The following CBLB variants were observed in gnomAD, a reference collection of about 807,000 sequenced individuals.
CBLB encodes Cbl proto-oncogene B, also known as E3 ubiquitin-protein ligase CBL-B.
Under a neutral mutation model 104.9 loss-of-function variants are expected in CBLB, and 31 were observed. The observed-to-expected ratio is 0.30, with a 90% CI of 0.22 to 0.40. CBLB has a LOEUF of 0.40. CBLB is among the 10% of genes least tolerant of loss of function. CBLB has a pLI of 1.00. For synonymous variants in CBLB, 440 were observed against 422.6 expected, an observed-to-expected ratio of 1.04 and a Z score of -0.51; for missense variants, 1,062 against 1,214.6, an observed-to-expected ratio of 0.87 and a Z score of 1.87.
intron 3 of CBLB, among the ~76,000 whole-genome samples, chr3:105,791,150 C>T (rs956210419): frequency 1.3e-5 from 2 of 152,070 alleles, no homozygotes; most frequent in Admixed American, 1.3e-4. Flanking sequence ...GCGTTTCTTC[C>T]CTGTATCCTT....
At chr3:105,688,973 TG>T (rs1274200495) in intron 13 of CBLB, among the ~76,000 whole-genome samples, 1 of 152,088 alleles carries the variant, frequency 6.6e-6, no homozygotes, top group Non-Finnish European at 1.5e-5. Context: ...GATAACCTCA[TG>T]GTTTGCTCCC....
At chr3:105,707,993 C>T (rs1188347247) in intron 10 of CBLB, among the ~76,000 whole-genome samples, 1 of 146,758 alleles carries the variant, frequency 6.8e-6, no homozygotes, top group Non-Finnish European at 1.5e-5. Flanking sequence ...TCTAGAGTAA[C>T]AGACTTTTCC....
chr3:105,744,805 C>G (rs1038545333), intron 6 of CBLB, among the ~76,000 whole-genome samples: 1 of 152,120 alleles, frequency 6.6e-6, no homozygotes, highest in Non-Finnish European at 1.5e-5. Context: ...TGGCACACAC[C>G]TGTAATCCCA....
At chr3:105,804,540 A>C (rs553783371) in intron 3 of CBLB, among the ~76,000 whole-genome samples, 105 of 152,122 alleles carry the variant, frequency 6.9e-4, no homozygotes, top group African/African-American at 2.5e-3. Context: ...AAAATGTAAA[A>C]TATCTCATTA....
rs150288759 is a variant in CBLB at position 105,719,273 on chromosome 3, G to T, written c.1407+774C>A. Among the ~76,000 whole-genome samples the T allele has an allele frequency of 8.3e-4, 127 of 152,174 alleles. 1 individual carries two copies. Among genetic ancestry groups the T allele is most frequent in the African/African-American group, 3.0e-3 (125 of 41,526 alleles). ...TCTTAAATTTTTTCTTCACAGATTT[G>T]CTATTGCCAGTGTTAGATGACGTTT... On this transcript the variant is annotated intron_variant, in intron 10 of 18. Transcript: ENST00000394030.
chr3:105,826,705 G>A (rs2086632465), intron 3 of CBLB, among the ~76,000 whole-genome samples: 1 of 152,128 alleles, frequency 6.6e-6, no homozygotes, highest in South Asian at 2.1e-4. Context: ...GGAAGCCTTG[G>A]CAGAAAAGGC....
chr3:105,744,632 TA>T (rs879674122), intron 6 of CBLB, among the ~76,000 whole-genome samples: 7 of 148,854 alleles, frequency 4.7e-5, no homozygotes, highest in Admixed American at 2.0e-4. Flanking sequence ...GGCTTGCACT[TA>T]AAAAAAAAAC....
intron 9 of CBLB, among the ~76,000 whole-genome samples, chr3:105,725,752 A>G (rs1250772880): frequency 6.6e-6 from 1 of 152,196 alleles, no homozygotes; most frequent in Non-Finnish European, 1.5e-5. Context: ...ATTATTTTCT[A>G]TTTGTAGTAC....
chr3:105,752,124 T>C (rs1041124940), intron 4 of CBLB, among the ~76,000 whole-genome samples: 1 of 152,218 alleles, frequency 6.6e-6, no homozygotes, highest in Admixed American at 6.5e-5. Flanking sequence ...ACCCTGATGT[T>C]TTCTGCAGAG....
intron 4 of CBLB, among the ~76,000 whole-genome samples, chr3:105,761,869 C>T (rs1192739386): frequency 6.6e-6 from 1 of 152,128 alleles, no homozygotes; most frequent in African/African-American, 2.4e-5. Flanking sequence ...TTCCTAGACA[C>T]TTGTTGAATG....
At chr3:105,841,268 C>T (rs1314314709) in intron 3 of CBLB, among the ~76,000 whole-genome samples, 1 of 147,546 alleles carries the variant, frequency 6.8e-6, no homozygotes, top group Non-Finnish European at 1.5e-5. Context: ...TGCACTCCAG[C>T]CTGGGCAACA....
intron 3 of CBLB, among the ~76,000 whole-genome samples, chr3:105,842,546 C>G (rs767791563): frequency 2.0e-5 from 3 of 152,162 alleles, no homozygotes; most frequent in Non-Finnish European, 2.9e-5. Context: ...ATACCGCTAC[C>G]TTTGTAACCT....
At chr3:105,868,271 G>T (rs1195198439) in intron 1 of CBLB, 5 of 1,220,234 alleles carry the variant, frequency 4.1e-6, no homozygotes, top group South Asian at 4.2e-5. Context: ...TGACAAGAGC[G>T]GCCACGGAAA....
At position 105,678,484 on chromosome 3, in the gene CBLB, G is replaced by A; in HGVS notation, c.2516C>T (p.Pro839Leu). 6.2e-7 allele frequency: 1 copy of A among 1,614,074 alleles called. No individual in the cohort carries two copies. The highest frequency in any genetic ancestry group is 8.5e-7 in the Non-Finnish European group (1 of 1,179,952). ...RHSLIEHSKP[P>L]GSSSRPSSGQ... is the part of the protein sequence containing the mutation. ...TGAGGATGGCCGGCTACTGGAGCCAGGAGGTTTTGAATGTTCAATGAGACT... is the reference window on the plus strand; with the variant it reads ...TGAGGATGGCCGGCTACTGGAGCCAAGAGGTTTTGAATGTTCAATGAGACT... The change falls in exon 17 of 19, where the codon CCT becomes CTT. Residue 839 changes from proline (P) to leucine (L), a missense_variant. Coordinates refer to ENST00000394030, the MANE Select transcript of CBLB (RefSeq NM_170662.5).
intron 3 of CBLB, among the ~76,000 whole-genome samples, chr3:105,780,807 C>T (rs561662543): frequency 3.9e-4 from 59 of 151,610 alleles, no homozygotes; most frequent in Non-Finnish European, 2.1e-4. Context: ...GGACTACAGG[C>T]GCCCGCCACC....
intron 12 of CBLB, among the ~76,000 whole-genome samples, chr3:105,696,321 G>A (rs2068382033): frequency 6.6e-6 from 1 of 151,660 alleles, no homozygotes; most frequent in African/African-American, 2.4e-5. Flanking sequence ...ATTGACGGTG[G>A]CTAGAGGACA....
intron 18 of CBLB, among the ~76,000 whole-genome samples, chr3:105,664,849 A>G (rs1239401742): frequency 1.3e-5 from 2 of 152,174 alleles, no homozygotes; most frequent in Non-Finnish European, 2.9e-5. Context: ...TTATTTTGTC[A>G]TCACTACTAT....
intron 10 of CBLB, among the ~76,000 whole-genome samples, chr3:105,713,280 G>A (rs1158660925): frequency 6.6e-6 from 1 of 151,746 alleles, no homozygotes; most frequent in African/African-American, 2.4e-5. Context: ...ATAAAACAAG[G>A]CACATAGATA....
chr3:105,754,814 G>T (rs1188344757), intron 4 of CBLB, among the ~76,000 whole-genome samples: 1 of 151,928 alleles, frequency 6.6e-6, no homozygotes, highest in Non-Finnish European at 1.5e-5. Flanking sequence ...ATTTATTGAT[G>T]GCTTACTACC....
Sources: gnomAD v4.1 joint callset for allele counts (sites outside exome capture counted in the v4.1 genomes callset) on GRCh38, gnomAD v4.1.1 for gene constraint, MANE v1.5 for transcripts, NCBI Gene and HGNC (gene_info 2026-07-23, HGNC 2026-07-21) for gene names.